GABRR3: variants seen among roughly 807,000 people sequenced by gnomAD.
The protein encoded by GABRR3 is gamma-aminobutyric acid receptor subunit rho-3.
In GABRR3, 29 loss-of-function variants were observed where a neutral mutation model predicts 43.2. That is an observed-to-expected ratio of 0.67 (90% CI 0.50 to 0.92). The LOEUF (loss-of-function observed/expected upper bound fraction) is 0.92. Among genes scored for constraint, GABRR3 ranks in the 40% least tolerant of loss-of-function variants. GABRR3 has a pLI of 0.00. For missense variants in GABRR3, 576 were observed against 572.3 expected (o/e 1.01, Z -0.07); for synonymous variants, 206 against 195.9 (o/e 1.05, Z -0.43).
At chr3:98,000,569 T>C (rs1332257038) in intron 8 of GABRR3, 1 of 152,156 alleles carries the variant, frequency 6.6e-6, no homozygotes, top group Admixed American at 6.6e-5. Context: ...TTGAATATTT[T>C]AATAGGGAAA....
chr3:98,011,722 T>C (rs1470704161), intron 5 of GABRR3, among the ~76,000 whole-genome samples: 1 of 152,148 alleles, frequency 6.6e-6, no homozygotes, highest in Non-Finnish European at 1.5e-5. Flanking sequence ...TTCTAAGGTT[T>C]GTAGGACATT....
intron 7 of GABRR3, among the ~76,000 whole-genome samples, chr3:98,005,210 AACACACACACACAC>A (rs60490447): frequency 6.8e-6 from 1 of 147,930 alleles, no homozygotes; most frequent in Non-Finnish European, 1.5e-5. Context: ...CTAGGCTTTT[AACACACACACACAC>A]ACACACACAC....
At chr3:98,024,366 C>CAAA (rs35090836) in intron 3 of GABRR3, among the ~76,000 whole-genome samples, 76 of 42,362 alleles carry the variant, frequency 1.8e-3, no homozygotes, top group African/African-American at 2.2e-3. Context: ...GACTCCGTCT[C>CAAA]AAAAAAAAAA....
In GABRR3 at chr3:98,021,373, C is replaced by T. The variant is rs114360151; in HGVS notation, c.239-3651G>A. ...GAGCTGAGTCACAGATAGAAGGTGG[C>T]AATAAAGCATATGGATTCAAATCCA... On this transcript the variant is annotated intron_variant, in intron 3 of 9. Transcript: ENST00000621172. 2.2e-3 allele frequency among the ~76,000 whole-genome samples: 338 copies of T among 152,192 alleles called. 1 individual carries two copies. The highest frequency in any genetic ancestry group is 7.9e-3 in the African/African-American group (329 of 41,534).
chr3:97,987,106 G>T, intron 9 of GABRR3, 124 bp from the exon 10 acceptor site: 1 of 664,374 alleles, frequency 1.5e-6, no homozygotes, highest in South Asian at 2.2e-5. Context: ...AATTGGATTT[G>T]TTTTTCAACT....
chr3:97,989,230 GA>G (rs1706430644), intron 9 of GABRR3, among the ~76,000 whole-genome samples: 1 of 150,838 alleles, frequency 6.6e-6, no homozygotes, highest in South Asian at 2.1e-4. Context: ...GGTGGTGGTG[GA>G]TGGTGGTGAA....
At chr3:97,993,906 G>A (rs1401530243) in intron 8 of GABRR3, among the ~76,000 whole-genome samples, 3 of 152,088 alleles carry the variant, frequency 2.0e-5, no homozygotes, top group Admixed American at 6.6e-5. Context: ...AATGGAGAAC[G>A]AAGTGACTCT....
chr3:98,024,831 G>GC (rs1706991671), intron 3 of GABRR3, among the ~76,000 whole-genome samples: 2 of 152,164 alleles, frequency 1.3e-5, no homozygotes, highest in Non-Finnish European at 2.9e-5. Flanking sequence ...TGGAAAACTT[G>GC]GTACCCTCAG....
At chr3:97,998,084 A>T (rs1054955804) in intron 8 of GABRR3, 2 of 152,132 alleles carry the variant, frequency 1.3e-5, no homozygotes, top group Non-Finnish European at 2.9e-5. Context: ...AGTAAAAAAA[A>T]AACTTAAGAA....
At chr3:98,015,781 G>A (rs1576045675) in intron 4 of GABRR3, among the ~76,000 whole-genome samples, 1 of 152,198 alleles carries the variant, frequency 6.6e-6, no homozygotes. Context: ...GTAAGAACAC[G>A]TGATAGAGTT....
intron 2 of GABRR3, among the ~76,000 whole-genome samples, chr3:98,028,829 C>G (rs832046): frequency 0.75 from 113,970 of 152,036 alleles, 43,059 homozygotes; most frequent in East Asian, 0.99. Context: ...TAGACACCCT[C>G]GTTTGAAGGC....
intron 8 of GABRR3, chr3:97,998,620 T>C (rs535921596): frequency 6.6e-6 from 1 of 152,160 alleles, no homozygotes; most frequent in East Asian, 1.9e-4. Flanking sequence ...ACTATTAAAA[T>C]ACTACTCCCT....
chr3:98,027,052 A>C (rs534909173), intron 2 of GABRR3, among the ~76,000 whole-genome samples: 2 of 152,348 alleles, frequency 1.3e-5, no homozygotes, highest in African/African-American at 4.8e-5. Context: ...ATTATATCCT[A>C]TGAATAATTG....
intron 7 of GABRR3, among the ~76,000 whole-genome samples, chr3:98,004,815 G>A (rs1706703922): frequency 6.6e-6 from 1 of 151,916 alleles, no homozygotes; most frequent in Non-Finnish European, 1.5e-5. Flanking sequence ...GCTGGTAGTT[G>A]TAAGGATAGG....
At chr3:98,032,435 C>T (rs1003880531) in intron 2 of GABRR3, among the ~76,000 whole-genome samples, 1 of 152,134 alleles carries the variant, frequency 6.6e-6, no homozygotes, top group Admixed American at 6.6e-5. Context: ...GCATTTTTAG[C>T]CCCAACCCAG....
intron 6 of GABRR3, among the ~76,000 whole-genome samples, chr3:98,008,379 G>A (rs1576042251): frequency 3.9e-5 from 6 of 152,192 alleles, no homozygotes; most frequent in East Asian, 3.8e-4. Context: ...GAGTTAGGGC[G>A]GAGCATCTGT....
At position 98,025,695 on chromosome 3, in the gene GABRR3, GAAAA is replaced by G; in HGVS notation, c.126-20_126-17del. The G allele has an allele frequency of 6.9e-7, 1 of 1,449,844 alleles. No individual in the cohort carries two copies. The highest frequency in any genetic ancestry group is 1.3e-5 in the South Asian group (1 of 76,628). The allele number at this position is 1,449,844 out of a possible 1,614,324, so 89.8% of individuals were successfully genotyped here. A position where few individuals can be genotyped will look rare whatever the true frequency, so the allele number is the denominator to read the frequency against. On this transcript the variant is annotated splice_polypyrimidine_tract_variant and intron_variant, in intron 2 of 9. Transcript: ENST00000621172. ...TTCTTGTTTGCTGTTCCCCCAAAGG[GAAAA>G]AAAAAACTTCTGAGATACATATGCT...
intron 9 of GABRR3, among the ~76,000 whole-genome samples, chr3:97,989,554 A>ACCTACCT (rs1204909649): frequency 2.2e-4 from 34 of 151,822 alleles, no homozygotes; most frequent in African/African-American, 8.0e-4. Context: ...GGGTGATGAA[A>ACCTACCT]ACAAGTTTTG....
chr3:97,995,728 T>G lies in GABRR3; in HGVS notation c.908-2680A>C, dbSNP rs546562016. Among the ~76,000 whole-genome samples, 4 of 152,252 alleles carry G rather than the reference T, an allele frequency of 2.6e-5. No individual in the cohort carries two copies. In the South Asian group the frequency reaches 6.2e-4, roughly 24 times the overall value. On this transcript the variant is annotated intron_variant, in intron 8 of 9. Coordinates refer to ENST00000621172, the Ensembl canonical transcript of GABRR3. Reference sequence around the variant, plus strand: ...TGAAGTCAGGAGTATTATAGTTACATTAAATACACTTATTATATCTTGCGC... The same window carrying G: ...TGAAGTCAGGAGTATTATAGTTACAGTAAATACACTTATTATATCTTGCGC...
Sources: allele counts gnomAD v4.1 joint callset (sites outside exome capture counted in the v4.1 genomes callset), GRCh38; gene constraint gnomAD v4.1.1; transcripts MANE v1.5; gene names NCBI Gene and HGNC (gene_info 2026-07-23, HGNC 2026-07-21).